Variants in SOX5 observed in about 807,000 individuals in gnomAD.
SOX5 encodes the protein transcription factor SOX-5.
In SOX5, 9 loss-of-function variants were observed where a neutral mutation model predicts 92.0. The ratio of observed to expected loss-of-function variants is 0.10; its 90% CI spans 0.06 to 0.17. The LOEUF (loss-of-function observed/expected upper bound fraction) is 0.17, where lower values mean the gene tolerates loss of function less well. Ranked by LOEUF, SOX5 falls within the 10% of genes least tolerant of loss-of-function variation. SOX5 has a pLI of 1.00. For synonymous variants in SOX5, 344 were observed against 336.3 expected (o/e 1.02, Z -0.25); for missense variants, 642 against 944.5 (o/e 0.68, Z 4.20).
chr12:23,683,343 A>C (rs1295708772), intron 6 of SOX5, among the ~76,000 whole-genome samples: 1 of 151,892 alleles, frequency 6.6e-6, no homozygotes, highest in Admixed American at 6.6e-5. Flanking sequence ...AATGGAATGC[A>C]TCAGAATTTC....
chr12:24,277,501 T>A (rs1944606260), intron 2 of SOX5, among the ~76,000 whole-genome samples: 1 of 88,634 alleles, frequency 1.1e-5, no homozygotes, highest in African/African-American at 2.9e-5. Context: ...AATTTACATT[T>A]AAATATATAA....
intron 3 of SOX5, among the ~76,000 whole-genome samples, chr12:24,252,517 T>G (rs1166402073): frequency 6.7e-6 from 1 of 149,664 alleles, no homozygotes; most frequent in East Asian, 2.0e-4. Flanking sequence ...AAAAAAAAAG[T>G]TAAGGGGATT....
intron 1 of SOX5, among the ~76,000 whole-genome samples, chr12:23,913,471 C>T (rs1052544944): frequency 6.6e-6 from 1 of 152,004 alleles, no homozygotes; most frequent in Non-Finnish European, 1.5e-5. Context: ...GGCACAGTGG[C>T]TCATGCCTGT....
chr12:23,793,403 G>A (rs1236785563), intron 3 of SOX5, among the ~76,000 whole-genome samples: 1 of 152,038 alleles, frequency 6.6e-6, no homozygotes, highest in Admixed American at 6.6e-5. Context: ...CTTGAAAATA[G>A]CTTTATTTAC....
chr12:24,539,446 G>A (rs1343633246), intron 1 of SOX5, among the ~76,000 whole-genome samples: 1 of 152,124 alleles, frequency 6.6e-6, no homozygotes, highest in Non-Finnish European at 1.5e-5. Flanking sequence ...TTACAAAAGT[G>A]TGTTCCAGAG....
intron 3 of SOX5, among the ~76,000 whole-genome samples, chr12:23,806,591 A>G (rs1162815208): frequency 6.7e-6 from 1 of 148,976 alleles, no homozygotes; most frequent in Non-Finnish European, 1.5e-5. Context: ...CTAAAAAAAA[A>G]AAAAAAAGAA....
intron 4 of SOX5, among the ~76,000 whole-genome samples, chr12:24,122,302 A>C (rs1269383016): frequency 6.6e-6 from 1 of 152,356 alleles, no homozygotes; most frequent in African/African-American, 2.4e-5. Context: ...AAGATGGGGA[A>C]GAGATCCAGT....
intron 4 of SOX5, among the ~76,000 whole-genome samples, chr12:24,080,192 A>T (rs1307029124): frequency 6.6e-6 from 1 of 152,000 alleles, no homozygotes; most frequent in Non-Finnish European, 1.5e-5. Flanking sequence ...AGAGGACAAA[A>T]TATCTTGAAC....
At chr12:23,862,397 G>A (rs111401850) in intron 2 of SOX5, among the ~76,000 whole-genome samples, 3,580 of 152,142 alleles carry the variant, frequency 0.024, 72 homozygotes, top group Admixed American at 0.075. Context: ...CCAACTTACC[G>A]CCAGCACACA....
chr12:23,643,041 C>T (rs2080307003), intron 7 of SOX5, among the ~76,000 whole-genome samples: 1 of 104,560 alleles, frequency 9.6e-6, no homozygotes, highest in South Asian at 4.0e-4. Context: ...GAGCCGAGAT[C>T]CCGCCACTGC....
At chr12:24,239,882 G>A (rs884440) in intron 3 of SOX5, among the ~76,000 whole-genome samples, 15,173 of 152,114 alleles carry the variant, frequency 0.1, 942 homozygotes, top group Admixed American at 0.17. Flanking sequence ...CTTTGAAGCC[G>A]ATGTCCCAAG....
At chr12:24,033,404 A>G (rs932856955) in intron 4 of SOX5, among the ~76,000 whole-genome samples, 1 of 152,002 alleles carries the variant, frequency 6.6e-6, no homozygotes, top group Non-Finnish European at 1.5e-5. Flanking sequence ...TCACAGGACC[A>G]TTACAAAGTG....
intron 1 of SOX5, among the ~76,000 whole-genome samples, chr12:24,434,107 A>T (rs900385210): frequency 3.3e-5 from 5 of 152,164 alleles, no homozygotes; most frequent in African/African-American, 9.7e-5. Context: ...AAACTCAGAG[A>T]TACCAAGTCA....
chr12:23,614,224 C>T (rs1318320769), intron 8 of SOX5, among the ~76,000 whole-genome samples: 1 of 152,192 alleles, frequency 6.6e-6, no homozygotes, highest in Non-Finnish European at 1.5e-5. Flanking sequence ...GAAGGAACAT[C>T]ACGTGCAAAG....
rs5797023 is a variant in SOX5, at chr12:23,540,361, TATAATAATAATAATAATAATAATA to T, written c.1771+2826_1771+2849del. ...TGGACATGTACCCTAAAACTTAAAGTATAATAATAATAATAATAATAATAATAATAATAATAATAATAAAAAGCA... is the reference window on the plus strand; with the variant it reads ...TGGACATGTACCCTAAAACTTAAAGTATAATAATAATAATAATAAAAAGCA... On this transcript the variant is annotated intron_variant, in intron 13 of 14. Transcript: ENST00000451604. Among the ~76,000 whole-genome samples the T allele has an allele frequency of 1.3e-4, 18 of 142,796 alleles. No individual in the cohort carries two copies. In the South Asian group the frequency reaches 2.1e-3, roughly 16 times the overall value. The allele number at this position is 142,796 out of a possible 152,430, so 93.7% of individuals were successfully genotyped here.
intron 4 of SOX5, among the ~76,000 whole-genome samples, chr12:24,176,977 GTTTTTTTT>G (rs11295163): frequency 1.2e-4 from 16 of 135,102 alleles, no homozygotes; most frequent in Non-Finnish European, 2.4e-4. Context: ...TTTGTTTTTT[GTTTTTTTT>G]TTTTTTTTTT....
chr12:24,052,551 A>G (rs1244140029), intron 4 of SOX5, among the ~76,000 whole-genome samples: 2 of 152,178 alleles, frequency 1.3e-5, no homozygotes, highest in Non-Finnish European at 2.9e-5. Flanking sequence ...ATTTTGCATT[A>G]CTTGATTTTT....
chr12:23,957,753 AAATAT>A (rs1442702596), intron 4 of SOX5, among the ~76,000 whole-genome samples: 3 of 152,196 alleles, frequency 2.0e-5, no homozygotes, highest in African/African-American at 4.8e-5. Flanking sequence ...CACAGGATGA[AAATAT>A]AATATACGCA....
At chr12:24,145,101 AG>A (rs1362666652) in intron 4 of SOX5, among the ~76,000 whole-genome samples, 2 of 152,172 alleles carry the variant, frequency 1.3e-5, no homozygotes, top group African/African-American at 4.8e-5. Flanking sequence ...CTCAAAAAAA[AG>A]ATTAACAAAA....
Sources: gnomAD v4.1 joint callset for allele counts (sites outside exome capture counted in the v4.1 genomes callset) on GRCh38, gnomAD v4.1.1 for gene constraint, MANE v1.5 for transcripts, NCBI Gene and HGNC (gene_info 2026-07-23, HGNC 2026-07-21) for gene names.